The following ZNF790 variants were observed in gnomAD, a reference collection of about 807,000 sequenced individuals.
The protein encoded by ZNF790 is zinc finger protein 790.
In ZNF790, 8 loss-of-function variants were observed where a neutral mutation model predicts 12.1. The ratio of observed to expected loss-of-function variants is 0.66; its 90% CI spans 0.39 to 1.19. The LOEUF is 1.19. ZNF790 is among the 50% of genes most tolerant of loss of function. The probability of loss-of-function intolerance (pLI) is 0.01; values close to 1 mark genes in which losing one functional copy is unlikely to be tolerated. For synonymous variants in ZNF790, 252 were observed against 244.3 expected, an observed-to-expected ratio of 1.03 and a Z score of -0.29; for missense variants, 707 against 752.2, an observed-to-expected ratio of 0.94 and a Z score of 0.70.
chr19:36,847,608 G>C (rs1459622501), intron 1 of ZNF790, among the ~76,000 whole-genome samples: 1 of 151,966 alleles, frequency 6.6e-6, no homozygotes, highest in African/African-American at 2.4e-5. Context: ...AAATTAGCCG[G>C]GATTGGTGGC....
rs1314014170 is a variant in ZNF790 at position 36,819,796 on chromosome 19, G to A, written c.548C>T (p.Ser183Leu). 1.2e-6 allele frequency: 2 copies of A among 1,612,978 alleles called. No homozygotes were observed. Among genetic ancestry groups the A allele is most frequent in the Admixed American group, 3.3e-5 (2 of 59,808 alleles). ...KELGKAFISG[S>L]DHTQHQLIHT... is the part of the protein sequence containing the mutation. ...AATTAACTGATGTTGAGTATGATCT[G>A]AACCAGAAATAAAGGCTTTCCCCAG... is the stretch of plus-strand genomic sequence containing the variant. The change falls in exon 5 of 5, where the codon TCA (serine) becomes TTA (leucine). Residue 183 changes from serine (S) to leucine (L), a missense_variant. Ser to Leu is a moderately radical substitution (Grantham distance 145). Coordinates refer to ENST00000356725, the MANE Select transcript of ZNF790 (RefSeq NM_206894.4).
At chr19:36,832,535 G>A (rs893005517) in intron 1 of ZNF790, among the ~76,000 whole-genome samples, 1 of 152,202 alleles carries the variant, frequency 6.6e-6, no homozygotes, top group East Asian at 1.9e-4. Flanking sequence ...GTGAGAAACT[G>A]AAGTCTATTG....
chr19:36,821,329 G>A (rs1244816950), intron 4 of ZNF790, among the ~76,000 whole-genome samples: 1 of 151,990 alleles, frequency 6.6e-6, no homozygotes, highest in Non-Finnish European at 1.5e-5. Flanking sequence ...CTCTAGTTCT[G>A]TTTACTAAAA....
intron 1 of ZNF790, among the ~76,000 whole-genome samples, chr19:36,834,243 C>CAAAAAAAA (rs751627349): frequency 8.6e-5 from 3 of 34,870 alleles, no homozygotes; most frequent in African/African-American, 1.7e-4. Flanking sequence ...AACTCCATCT[C>CAAAAAAAA]AAAAAAAAAA....
In ZNF790 at chr19:36,818,525, G is replaced by A. The variant is rs769952181; in HGVS notation, c.1819C>T (p.His607Tyr). Residue 607 changes from histidine (H) to tyrosine (Y), a missense_variant, in exon 5 of 5, where the codon CAC (histidine) becomes TAC (tyrosine). His to Tyr is a moderately conservative substitution (Grantham distance 83). Coordinates refer to ENST00000356725, the MANE Select transcript of ZNF790 (RefSeq NM_206894.4). Reference sequence around the variant, plus strand: ...TTCTCAAAAGTGTAAATATTCTGGTGTTGAGCAAAGTTTGACTCATGACTA... The same window carrying A: ...TTCTCAAAAGTGTAAATATTCTGGTATTGAGCAAAGTTTGACTCATGACTA... The part of the protein sequence containing the change: ...TFSHESNFAQ[H>Y]QNIYTFEKSY... The A allele has an allele frequency of 2.5e-6, 4 of 1,602,404 alleles. No individual in the cohort carries two copies. In the African/African-American group the frequency reaches 5.4e-5, roughly 21 times the overall value.
chr19:36,845,409 T>C (rs1432924175), intron 1 of ZNF790, among the ~76,000 whole-genome samples: 1 of 132,048 alleles, frequency 7.6e-6, no homozygotes, highest in Non-Finnish European at 1.7e-5. Flanking sequence ...AGTCCCTGTT[T>C]CCAAAAAAAA....
At chr19:36,842,804 G>C (rs545639936), upstream of ZNF790, among the ~76,000 whole-genome samples, 10 of 152,048 alleles carry the variant, frequency 6.6e-5, no homozygotes, top group East Asian at 1.9e-3. Context: ...AGGAGTTCGA[G>C]AGCAGCCTGG....
chr19:36,832,432 C>T (rs760154620), intron 1 of ZNF790, among the ~76,000 whole-genome samples: 2 of 152,116 alleles, frequency 1.3e-5, no homozygotes, highest in Non-Finnish European at 2.9e-5. Flanking sequence ...CTGTGGCTTC[C>T]AGCTTATGCG....
chr19:36,821,491 G>A (rs780387363), intron 4 of ZNF790, among the ~76,000 whole-genome samples: 22 of 152,180 alleles, frequency 1.4e-4, no homozygotes, highest in Non-Finnish European at 3.1e-4. Flanking sequence ...CAGGATACGT[G>A]TTGAATAATC....
At chr19:36,820,412 C>T (rs1248537518) in intron 4 of ZNF790, among the ~76,000 whole-genome samples, 1 of 152,066 alleles carries the variant, frequency 6.6e-6, no homozygotes, top group Non-Finnish European at 1.5e-5. Context: ...CATAAAATAC[C>T]TACAAGTTTC....
chr19:36,835,280 CA>C (rs199767751), intron 1 of ZNF790, among the ~76,000 whole-genome samples: 1 of 150,222 alleles, frequency 6.7e-6, no homozygotes, highest in East Asian at 1.9e-4. Flanking sequence ...GACCCCGTCT[CA>C]AAAAAAATAA....
At chr19:36,846,639 T>C (rs1412333939) in intron 1 of ZNF790, among the ~76,000 whole-genome samples, 2 of 152,162 alleles carry the variant, frequency 1.3e-5, no homozygotes, top group East Asian at 3.9e-4. Context: ...AATAGGAACT[T>C]TCATACATTT....
chr19:36,847,748 TC>T (rs2033923424), intron 1 of ZNF790, among the ~76,000 whole-genome samples: 1 of 110,854 alleles, frequency 9.0e-6, no homozygotes, highest in African/African-American at 3.3e-5. Flanking sequence ...AGACTCTGTC[TC>T]AAAAAAAAAA....
chr19:36,835,175 G>A (rs1318941821), intron 1 of ZNF790, among the ~76,000 whole-genome samples: 1 of 152,158 alleles, frequency 6.6e-6, no homozygotes, highest in African/African-American at 2.4e-5. Context: ...TGTAGTCCCA[G>A]CTACTCAGGA....
At chr19:36,824,066 T>C (rs62114322) in intron 2 of ZNF790, among the ~76,000 whole-genome samples, 35,236 of 146,878 alleles carry the variant, frequency 0.24, 4,372 homozygotes, top group South Asian at 0.38. Flanking sequence ...GTGCAATCTC[T>C]GATCACTGCA....
chr19:36,845,403 C>T (rs2072171272), intron 1 of ZNF790, among the ~76,000 whole-genome samples: 2 of 143,128 alleles, frequency 1.4e-5, no homozygotes, highest in Admixed American at 1.4e-4. Context: ...TGACAGAGTC[C>T]CTGTTTCCAA....
At chr19:36,829,267 A>G (rs1406707690) in intron 1 of ZNF790, among the ~76,000 whole-genome samples, 2 of 152,226 alleles carry the variant, frequency 1.3e-5, no homozygotes, top group African/African-American at 4.8e-5. Flanking sequence ...CCCTTTGGCT[A>G]TCACTCCTTG....
intron 1 of ZNF790, among the ~76,000 whole-genome samples, chr19:36,832,519 T>C (rs1347442352): frequency 6.6e-6 from 1 of 152,174 alleles, no homozygotes; most frequent in African/African-American, 2.4e-5. Context: ...TGGAGAGGTC[T>C]ACATGGTGAG....
At chr19:36,822,798 C>T (rs1227796) in intron 4 of ZNF790, among the ~76,000 whole-genome samples, 48,306 of 151,770 alleles carry the variant, frequency 0.32, 8,215 homozygotes, top group African/African-American at 0.43. Flanking sequence ...CCTCGGCCTC[C>T]CAAAGTGCTG....
Sources: gnomAD v4.1 joint callset for allele counts (sites outside exome capture counted in the v4.1 genomes callset) on GRCh38, gnomAD v4.1.1 for gene constraint, MANE v1.5 for transcripts, NCBI Gene and HGNC (gene_info 2026-07-23, HGNC 2026-07-21) for gene names.